The following DUSP29 variants were observed in gnomAD, a reference collection of about 807,000 sequenced individuals.
DUSP29 encodes dual specificity phosphatase 29.
In DUSP29, 12 loss-of-function variants were observed where a neutral mutation model predicts 13.5. The observed-to-expected ratio is 0.89, with a 90% CI of 0.57 to 1.44. The LOEUF (loss-of-function observed/expected upper bound fraction) is 1.44, where lower values mean the gene tolerates loss of function less well. Ranked by LOEUF, DUSP29 falls within the 40% of genes most tolerant of loss-of-function variation. The pLI is 0.00. For synonymous variants in DUSP29, 134 were observed against 128.7 expected (o/e 1.04, Z -0.28); for missense variants, 308 against 301.1 (o/e 1.02, Z -0.17).
intron 2 of DUSP29, among the ~76,000 whole-genome samples, chr10:75,053,133 G>A (rs952774338): frequency 1.3e-5 from 2 of 152,168 alleles, no homozygotes; most frequent in Non-Finnish European, 2.9e-5. Context: ...TGCTGTGGCC[G>A]GCCACCAAGA....
chr10:75,039,355 T>C (rs1355173963), intron 3 of DUSP29, among the ~76,000 whole-genome samples: 1 of 152,040 alleles, frequency 6.6e-6, no homozygotes, highest in Non-Finnish European at 1.5e-5. Flanking sequence ...CAAAACTCCA[T>C]CTCTACACAA....
chr10:75,047,245 C>CA (rs760633214), intron 2 of DUSP29, among the ~76,000 whole-genome samples: 2 of 152,184 alleles, frequency 1.3e-5, no homozygotes, highest in Non-Finnish European at 2.9e-5. Context: ...TTCATTCACT[C>CA]AGAGTTCAGT....
intron 2 of DUSP29, among the ~76,000 whole-genome samples, chr10:75,051,041 A>T (rs1370312728): frequency 2.6e-5 from 4 of 152,232 alleles, no homozygotes; most frequent in African/African-American, 9.6e-5. Flanking sequence ...GCGATTTTGA[A>T]ACCCGCAGGC....
Position 75,037,864 on chromosome 10 carries a change from C to T in DUSP29, c.635G>A (p.Gly212Asp), listed in dbSNP as rs1463910960. ...CAGCTCCCTGCCATCCTCCTCCTCA[C>T]CGTCCTGGCGCTGGGACCGTCGCCT... Reference protein sequence around the residue: ...QQRRRSQRQDGEEEDGREL With the variant: ...QQRRRSQRQDDEEEDGREL Residue 212 changes from glycine to aspartate, a missense_variant, in exon 4 of 4, where the codon GGT (glycine) becomes GAT (aspartate). Physicochemically the swap from Gly to Asp is moderately conservative, Grantham distance 94. Coordinates refer to ENST00000338487, the MANE Select transcript of DUSP29 (RefSeq NM_001003892.3). The T allele has an allele frequency of 2.5e-6, 4 of 1,610,352 alleles. No individual in the cohort carries two copies. Among genetic ancestry groups the T allele is most frequent in the East Asian group, 4.5e-5 (2 of 44,806 alleles).
At chr10:75,055,189 G>A (rs1589863684) in intron 2 of DUSP29, among the ~76,000 whole-genome samples, 1 of 150,600 alleles carries the variant, frequency 6.6e-6, no homozygotes, top group South Asian at 2.1e-4. Context: ...TTAATATTTT[G>A]TTATTAAAAG....
At chr10:75,068,744 C>A (rs1332518204) in intron 1 of DUSP29, among the ~76,000 whole-genome samples, 1 of 151,942 alleles carries the variant, frequency 6.6e-6, no homozygotes, top group African/African-American at 2.4e-5. Flanking sequence ...TGGGGAGGGG[C>A]GGAATTTGGC....
intron 2 of DUSP29, among the ~76,000 whole-genome samples, chr10:75,045,086 A>G (rs1846675998): frequency 6.6e-6 from 1 of 152,238 alleles, no homozygotes; most frequent in Admixed American, 6.5e-5. Flanking sequence ...GCCGAGCACA[A>G]TGGCTCACGC....
chr10:75,066,943 CT>C (rs912134567), intron 1 of DUSP29, among the ~76,000 whole-genome samples: 6 of 143,398 alleles, frequency 4.2e-5, no homozygotes, highest in Admixed American at 7.2e-5. Context: ...TTTCTTTTTT[CT>C]TTTTTTTCTT....
At position 75,065,364 on chromosome 10, in the gene DUSP29, CT is replaced by C. The variant is rs1847174144; in HGVS notation, c.-34-6817del. 2.6e-5 allele frequency among the ~76,000 whole-genome samples: 4 copies of C among 151,662 alleles called. No homozygotes were observed. In the South Asian group the frequency reaches 6.3e-4, roughly 24 times the overall value. The stretch of plus-strand genomic sequence containing the variant: ...GCATGTGTCAGGAAAGAAGGCTTAT[CT>C]TTTTTCTTTTTTTTTTTGAGACAGA... On this transcript the variant is annotated intron_variant, in intron 1 of 3. Coordinates refer to ENST00000338487, the MANE Select transcript of DUSP29 (RefSeq NM_001003892.3).
chr10:75,071,241 G>C (rs1057042025), intron 1 of DUSP29, among the ~76,000 whole-genome samples: 9 of 152,228 alleles, frequency 5.9e-5, no homozygotes, highest in African/African-American at 2.2e-4. Context: ...TTAAGCTGCT[G>C]CAATTCTGAG....
At chr10:75,050,758 G>A (rs1846808727) in intron 2 of DUSP29, among the ~76,000 whole-genome samples, 1 of 152,216 alleles carries the variant, frequency 6.6e-6, no homozygotes, top group Admixed American at 6.5e-5. Context: ...GTGGGGAGTG[G>A]GTGGCTACAC....
At chr10:75,071,853 C>T (rs542505313) in intron 1 of DUSP29, among the ~76,000 whole-genome samples, 4 of 152,356 alleles carry the variant, frequency 2.6e-5, no homozygotes, top group African/African-American at 4.8e-5. Context: ...GACACACAAC[C>T]GGCTGGACGT....
intron 1 of DUSP29, among the ~76,000 whole-genome samples, chr10:75,064,497 A>C (rs1418010705): frequency 6.6e-6 from 1 of 152,000 alleles, no homozygotes; most frequent in African/African-American, 2.4e-5. Flanking sequence ...ACAGAGCGAG[A>C]CTCCGTCTCA....
intron 3 of DUSP29, among the ~76,000 whole-genome samples, chr10:75,038,988 C>A (rs1394858005): frequency 1.3e-5 from 2 of 152,156 alleles, no homozygotes; most frequent in Non-Finnish European, 2.9e-5. Context: ...GTCCAGGCAA[C>A]ACTTTTGTTC....
At chr10:75,066,847 G>A (rs868825128) in intron 1 of DUSP29, among the ~76,000 whole-genome samples, 2 of 152,172 alleles carry the variant, frequency 1.3e-5, no homozygotes, top group South Asian at 2.1e-4. Context: ...TCAGGCCTCC[G>A]TGGTGTCAGA....
At chr10:75,067,495 G>T (rs1241356393) in intron 1 of DUSP29, among the ~76,000 whole-genome samples, 2 of 152,134 alleles carry the variant, frequency 1.3e-5, no homozygotes, top group East Asian at 3.9e-4. Context: ...TGACATGGGG[G>T]TGCTCTGGCG....
intron 1 of DUSP29, among the ~76,000 whole-genome samples, chr10:75,061,146 AGT>A (rs1172635824): frequency 6.6e-6 from 1 of 152,042 alleles, no homozygotes; most frequent in East Asian, 1.9e-4. Flanking sequence ...AGCTTCCCAA[AGT>A]GTTGGGATTA....
intron 2 of DUSP29, 48 bp downstream of exon 2, chr10:75,058,267 G>C: frequency 6.3e-7 from 1 of 1,581,632 alleles, no homozygotes; most frequent in Non-Finnish European, 8.6e-7. Flanking sequence ...CGTGGCCTGG[G>C]GAGGGGCTGC....
chr10:75,072,639 C>A (rs1847355875), intron 1 of DUSP29, among the ~76,000 whole-genome samples: 1 of 152,086 alleles, frequency 6.6e-6, no homozygotes, highest in Admixed American at 6.6e-5. Context: ...AAGGTGGGGG[C>A]AGCGGAAAAA....
Sources: gnomAD v4.1 joint callset for allele counts (sites outside exome capture counted in the v4.1 genomes callset) on GRCh38, gnomAD v4.1.1 for gene constraint, MANE v1.5 for transcripts, NCBI Gene and HGNC (gene_info 2026-07-23, HGNC 2026-07-21) for gene names.